The following RALYL variants were observed in gnomAD, a reference collection of about 807,000 sequenced individuals.
RALYL encodes the protein RNA-binding Raly-like protein.
A neutral mutation model predicts 35.1 loss-of-function variants in RALYL; 29 were observed. The ratio of observed to expected loss-of-function variants is 0.83; its 90% CI spans 0.61 to 1.13. RALYL has a LOEUF of 1.13. Ranked by LOEUF, RALYL falls within the 50% of genes most tolerant of loss-of-function variation. The pLI, the probability that RALYL is intolerant of heterozygous loss-of-function variation, is 0.00. For missense variants in RALYL, 359 were observed against 360.4 expected (o/e 1.00, Z 0.03); for synonymous variants, 120 against 127.6 (o/e 0.94, Z 0.40).
intron 1 of RALYL, among the ~76,000 whole-genome samples, chr8:84,203,775 T>C (rs1817455476): frequency 6.6e-6 from 1 of 152,158 alleles, no homozygotes; most frequent in Admixed American, 6.5e-5. Flanking sequence ...AAGATAGGTA[T>C]TGTGAAATTC....
At chr8:84,680,026 G>A (rs113089561) in intron 2 of RALYL, among the ~76,000 whole-genome samples, 29 of 148,874 alleles carry the variant, frequency 1.9e-4, no homozygotes, top group Admixed American at 4.7e-4. Flanking sequence ...GACAGGCCCC[G>A]GTGTGTGATG....
intron 7 of RALYL, among the ~76,000 whole-genome samples, chr8:84,877,906 C>A (rs1454443446): frequency 6.6e-6 from 1 of 152,096 alleles, no homozygotes; most frequent in Non-Finnish European, 1.5e-5. Context: ...GGTGATGCTT[C>A]CGGTTAAAGA....
At chr8:84,716,220 A>G (rs1281156369) in intron 2 of RALYL, among the ~76,000 whole-genome samples, 2 of 151,930 alleles carry the variant, frequency 1.3e-5, no homozygotes, top group South Asian at 2.1e-4. Context: ...TACTGGGTTC[A>G]TGTAGATAAG....
chr8:84,844,866 G>A (rs1262632677), intron 4 of RALYL, among the ~76,000 whole-genome samples: 1 of 151,996 alleles, frequency 6.6e-6, no homozygotes, highest in Non-Finnish European at 1.5e-5. Flanking sequence ...ACTATGGCAA[G>A]GACAAAAAAC....
intron 2 of RALYL, among the ~76,000 whole-genome samples, chr8:84,749,329 T>A (rs1433975041): frequency 1.3e-5 from 2 of 152,056 alleles, no homozygotes; most frequent in Non-Finnish European, 1.5e-5. Flanking sequence ...TGTACCAATT[T>A]TTTTTATAGA....
At chr8:84,882,781 G>A (rs1005315713) in intron 7 of RALYL, among the ~76,000 whole-genome samples, 1 of 151,528 alleles carries the variant, frequency 6.6e-6, no homozygotes, top group Non-Finnish European at 1.5e-5. Context: ...AGTAAAAAGA[G>A]TGATGACTAG....
At chr8:84,224,328 A>G (rs1823300631) in intron 1 of RALYL, among the ~76,000 whole-genome samples, 1 of 152,194 alleles carries the variant, frequency 6.6e-6, no homozygotes, top group African/African-American at 2.4e-5. Context: ...GGATGGTGTC[A>G]CTAGTGTGCA....
chr8:84,839,150 T>G (rs1362300081), intron 4 of RALYL, among the ~76,000 whole-genome samples: 5 of 152,150 alleles, frequency 3.3e-5, no homozygotes, highest in African/African-American at 1.2e-4. Flanking sequence ...GCACTGAGTG[T>G]GAGCCAAAGC....
At chr8:84,523,232 G>A (rs1447925970) in intron 1 of RALYL, among the ~76,000 whole-genome samples, 1 of 152,160 alleles carries the variant, frequency 6.6e-6, no homozygotes, top group Non-Finnish European at 1.5e-5. Context: ...AAGAGCAAAG[G>A]CATGACATAT....
intron 1 of RALYL, among the ~76,000 whole-genome samples, chr8:84,382,250 C>T (rs1481641137): frequency 3.4e-5 from 5 of 148,858 alleles, no homozygotes; most frequent in African/African-American, 1.2e-4. Flanking sequence ...AAAAAAACTG[C>T]AGTGAGGTTC....
At chr8:84,332,595 T>A (rs1002135178) in intron 1 of RALYL, among the ~76,000 whole-genome samples, 5 of 152,128 alleles carry the variant, frequency 3.3e-5, no homozygotes, top group African/African-American at 1.2e-4. Context: ...AAATCTTATC[T>A]CCATTTATAT....
chr8:84,593,081 A>G (rs1463778904), intron 2 of RALYL, among the ~76,000 whole-genome samples: 1 of 152,100 alleles, frequency 6.6e-6, no homozygotes, highest in Non-Finnish European at 1.5e-5. Flanking sequence ...CTTATAGTGC[A>G]TTTCTAAGTA....
chr8:84,335,854 G>C (rs1847713462), intron 1 of RALYL, among the ~76,000 whole-genome samples: 1 of 151,752 alleles, frequency 6.6e-6, no homozygotes, highest in African/African-American at 2.4e-5. Flanking sequence ...CCAAAACTGA[G>C]ACAGAGGCCC....
At chr8:84,598,629 T>G (rs909802957) in intron 2 of RALYL, among the ~76,000 whole-genome samples, 3 of 152,156 alleles carry the variant, frequency 2.0e-5, no homozygotes, top group Non-Finnish European at 2.9e-5. Context: ...TAAATTAAAA[T>G]GTCTTATATA....
In RALYL at chr8:84,261,279, C is replaced by T. The variant is rs771271781; in HGVS notation, c.-24+76855C>T. Among the ~76,000 whole-genome samples, 12 of 128,280 alleles carry T rather than the reference C, an allele frequency of 9.4e-5. 1 individual carries two copies. The highest frequency in any genetic ancestry group is 1.6e-4 in the Non-Finnish European group (9 of 57,926). The allele number at this position is 128,280 out of a possible 152,430, so 84.2% of individuals were successfully genotyped here. A position where few individuals can be genotyped will look rare whatever the true frequency, so the allele number is the denominator to read the frequency against. On this transcript the variant is annotated intron_variant, in intron 1 of 8. Transcript: ENST00000521268. ...CAATATTGATAGAGTTTGGCTGTGTCGCCACAAAAATCTCATCTTTAATTG... is the reference window on the plus strand; with the variant it reads ...CAATATTGATAGAGTTTGGCTGTGTTGCCACAAAAATCTCATCTTTAATTG...
intron 3 of RALYL, among the ~76,000 whole-genome samples, chr8:84,792,744 A>G (rs1269819436): frequency 5.9e-5 from 9 of 152,166 alleles, no homozygotes; most frequent in African/African-American, 2.2e-4. Context: ...GGGCCAGCTT[A>G]GGTTTTATCA....
At chr8:84,877,255 G>A (rs1200306664) in intron 7 of RALYL, among the ~76,000 whole-genome samples, 1 of 152,124 alleles carries the variant, frequency 6.6e-6, no homozygotes, top group East Asian at 1.9e-4. Context: ...GGGAGGCTGA[G>A]GCAAGTGGAT....
At chr8:84,318,811 A>G (rs575204824) in intron 1 of RALYL, among the ~76,000 whole-genome samples, 1 of 152,276 alleles carries the variant, frequency 6.6e-6, no homozygotes, top group Non-Finnish European at 1.5e-5. Context: ...CTAGCAGGTA[A>G]TTCTATGAAG....
intron 1 of RALYL, among the ~76,000 whole-genome samples, chr8:84,327,467 A>G (rs1846012663): frequency 6.6e-6 from 1 of 152,250 alleles, no homozygotes; most frequent in South Asian, 2.1e-4. Context: ...TTGAATTTCA[A>G]CGTATGGACC....
Sources: gnomAD v4.1 joint callset for allele counts (sites outside exome capture counted in the v4.1 genomes callset) on GRCh38, gnomAD v4.1.1 for gene constraint, MANE v1.5 for transcripts, NCBI Gene and HGNC (gene_info 2026-07-23, HGNC 2026-07-21) for gene names.